HAGH: variants seen among roughly 807,000 people sequenced by gnomAD.
The protein encoded by HAGH is hydroxyacylglutathione hydrolase.
A neutral mutation model predicts 35.1 loss-of-function variants in HAGH; 29 were observed. The ratio of observed to expected loss-of-function variants is 0.83; its 90% CI spans 0.62 to 1.13. The LOEUF is 1.13. Ranked by LOEUF, HAGH falls within the 50% of genes most tolerant of loss-of-function variation. The pLI, the probability that HAGH is intolerant of heterozygous loss-of-function variation, is 0.00. For synonymous variants in HAGH, 225 were observed against 176.1 expected (o/e 1.28, Z -2.20); for missense variants, 478 against 419.6 (o/e 1.14, Z -1.22).
intron 8 of HAGH, 163 bp downstream of exon 8, chr16:1,809,591 C>A: frequency 2.9e-6 from 2 of 692,132 alleles, no homozygotes; most frequent in Non-Finnish European, 2.5e-6. Flanking sequence ...CCAGGAAAGG[C>A]CGGACCCCCC....
At chr16:1,809,950 G>C in intron 7 of HAGH, 117 bp from the exon 8 acceptor site, 1 of 742,910 alleles carries the variant, frequency 1.3e-6, no homozygotes, top group South Asian at 1.5e-5. Context: ...GATCACTTGA[G>C]CCCTGGAGTT....
chr16:1,824,231 AAAAC>A (rs1898294951), intron 1 of HAGH, among the ~76,000 whole-genome samples: 3 of 150,752 alleles, frequency 2.0e-5, no homozygotes, highest in Admixed American at 1.3e-4. Context: ...AAAAAAAAAA[AAAAC>A]AAACAAACAA....
At chr16:1,823,114 C>T (rs1229018271) in intron 1 of HAGH, 77 bp from the exon 2 acceptor site, 2 of 1,275,468 alleles carry the variant, frequency 1.6e-6, no homozygotes, top group Admixed American at 1.7e-5. Context: ...GCAGTGCTTC[C>T]CAGCCTTTCT....
At chr16:1,814,330 C>T (rs535028101) in intron 7 of HAGH, among the ~76,000 whole-genome samples, 4 of 151,914 alleles carry the variant, frequency 2.6e-5, no homozygotes, top group Middle Eastern at 3.4e-3. Flanking sequence ...CAAAATTAAC[C>T]GGGTGTGGTG....
intron 7 of HAGH, among the ~76,000 whole-genome samples, chr16:1,815,421 C>A (rs1268657338): frequency 6.6e-6 from 1 of 152,206 alleles, no homozygotes; most frequent in Non-Finnish European, 1.5e-5. Context: ...TGGAAACAGA[C>A]AAATGCATAA....
In HAGH at chr16:1,822,372, G is replaced by T; in HGVS notation, c.250-8C>A. The stretch of plus-strand genomic sequence containing the variant: ...TCTCGCCGCGTCCACGACCTGCAGT[G>T]GCCCCGGGGAAGGACAAAGGCCTGT... On this transcript the variant is annotated splice_region_variant and splice_polypyrimidine_tract_variant and intron_variant, in intron 2 of 8. Coordinates refer to ENST00000397356, the MANE Select transcript of HAGH (RefSeq NM_005326.6). 6.2e-7 allele frequency: 1 copy of T among 1,605,594 alleles called. No individual in the cohort carries two copies.
At chr16:1,818,881 C>T in intron 5 of HAGH, 1 of 546,044 alleles carries the variant, frequency 1.8e-6, no homozygotes, top group Non-Finnish European at 3.3e-6. Flanking sequence ...AGCTGTCCAG[C>T]AGTCTCCGCC....
At position 1,809,049 on chromosome 16, in the gene HAGH, C is replaced by A; in HGVS notation, c.*234G>T. ...TGGCTCACGGAGGAGGAAGGAGGCCCGAGGGGACAAGCAGAGGCCTAAAGG... is the reference window on the plus strand; with the variant it reads ...TGGCTCACGGAGGAGGAAGGAGGCCAGAGGGGACAAGCAGAGGCCTAAAGG... On this transcript the variant is annotated 3_prime_UTR_variant, in exon 9 of 9. Transcript: ENST00000397356. The A allele has an allele frequency of 2.1e-6, 1 of 483,516 alleles. No homozygotes were observed. 30.0% of individuals were successfully genotyped at this position (483,516 alleles called of 1,614,324 possible).
chr16:1,826,706 A>G lies in HAGH; in HGVS notation c.76+6T>C. The G allele has an allele frequency of 9.2e-7, 1 of 1,087,742 alleles. No homozygotes were observed. The highest frequency in any genetic ancestry group is 1.1e-6 in the Non-Finnish European group (1 of 895,788). The allele number at this position is 1,087,742 out of a possible 1,614,324, so 67.4% of individuals were successfully genotyped here. On this transcript the variant is annotated splice_donor_region_variant and intron_variant, in intron 1 of 8. Coordinates refer to ENST00000397356, the MANE Select transcript of HAGH (RefSeq NM_005326.6). The stretch of plus-strand genomic sequence containing the variant: ...CCCCCGGCCCGCACCGCCCCGCCGC[A>G]CCCACCGAGGCCTCGGCGGGCGCAG...
At chr16:1,824,955 G>A (rs974245579) in intron 1 of HAGH, among the ~76,000 whole-genome samples, 5 of 152,148 alleles carry the variant, frequency 3.3e-5, no homozygotes, top group Admixed American at 2.0e-4. Flanking sequence ...GAAGGGTTGT[G>A]ACAGGATTCC....
chr16:1,822,817 C>G, intron 2 of HAGH, 48 bp downstream of exon 2: 2 of 1,564,210 alleles, frequency 1.3e-6, no homozygotes, highest in South Asian at 1.1e-5. Flanking sequence ...GGTGAGGACT[C>G]CGAGCTGGGT....
chr16:1,810,120 C>T lies in HAGH; in HGVS notation c.748-287G>A. The stretch of plus-strand genomic sequence containing the variant: ...GAGGCTACAGTGAGCCAAGACTGTG[C>T]TACTGCCCTCCAGCCTGGGTGACAG... On this transcript the variant is annotated intron_variant, in intron 7 of 8. Coordinates refer to ENST00000397356, the MANE Select transcript of HAGH (RefSeq NM_005326.6). The T allele has an allele frequency of 2.0e-5, 8 of 400,092 alleles. No individual in the cohort carries two copies. In the South Asian group the frequency reaches 2.3e-4, roughly 11 times the overall value. 24.8% of individuals were successfully genotyped at this position (400,092 alleles called of 1,614,324 possible).
intron 1 of HAGH, among the ~76,000 whole-genome samples, chr16:1,823,880 C>T: frequency 6.6e-6 from 1 of 150,470 alleles, no homozygotes; most frequent in East Asian, 2.0e-4. Context: ...TTTTTGAGAA[C>T]TCTAAAAGGA....
chr16:1,822,218 G>GA (rs1898183710), intron 3 of HAGH, 82 bp downstream of exon 3: 3 of 840,820 alleles, frequency 3.6e-6, no homozygotes, highest in East Asian at 5.3e-5. Context: ...GCCGTGGGGG[G>GA]AGACAGGCCT....
intron 1 of HAGH, among the ~76,000 whole-genome samples, chr16:1,823,263 C>CT (rs372390749): frequency 0.14 from 19,114 of 134,260 alleles, 1,593 homozygotes; most frequent in South Asian, 0.22. Flanking sequence ...AAGACCTTGT[C>CT]TTTTTTTTTT....
intron 1 of HAGH, among the ~76,000 whole-genome samples, chr16:1,826,090 C>G (rs1310049799): frequency 1.3e-5 from 2 of 152,240 alleles, no homozygotes; most frequent in African/African-American, 4.8e-5. Flanking sequence ...ACATTCTACC[C>G]CCTGCAGAGC....
At chr16:1,820,056 G>C in intron 3 of HAGH, 42 bp from the exon 4 acceptor site, 2 of 247,676 alleles carry the variant, frequency 8.1e-6, no homozygotes, top group Non-Finnish European at 1.3e-5. Context: ...GCTGAGCTGA[G>C]GGGGCTGCCT....
At chr16:1,819,753 A>C in intron 4 of HAGH, 144 bp downstream of exon 4, 1 of 673,206 alleles carries the variant, frequency 1.5e-6, no homozygotes, top group South Asian at 1.6e-5. Flanking sequence ...TAGACAGAGA[A>C]GACCATCCAC....
chr16:1,813,460 G>A (rs998476947), intron 7 of HAGH, among the ~76,000 whole-genome samples: 1 of 152,112 alleles, frequency 6.6e-6, no homozygotes, highest in Non-Finnish European at 1.5e-5. Flanking sequence ...AAGTTAATAC[G>A]CATCCACTGT....
Sources: gnomAD v4.1 joint callset for allele counts (sites outside exome capture counted in the v4.1 genomes callset) on GRCh38, gnomAD v4.1.1 for gene constraint, MANE v1.5 for transcripts, NCBI Gene and HGNC (gene_info 2026-07-23, HGNC 2026-07-21) for gene names.